The following CEP350 variants were observed in gnomAD, a reference collection of about 807,000 sequenced individuals.
CEP350 encodes centrosome-associated protein 350.
CEP350 carries 126 observed loss-of-function variants against 331.8 expected under a neutral mutation model. The observed-to-expected ratio is 0.38, with a 90% CI of 0.33 to 0.44. CEP350 has a LOEUF of 0.44. Ranked by LOEUF, CEP350 falls within the 20% of genes least tolerant of loss-of-function variation. The pLI is 1.00. For synonymous variants in CEP350, 1,200 were observed against 1,259.5 expected (o/e 0.95, Z 1.00); for missense variants, 3,406 against 3,634.6 (o/e 0.94, Z 1.62).
In CEP350 at chr1:180,028,326, C is replaced by G. The variant is rs1655805280; in HGVS notation, c.3551-2994C>G. 2.0e-5 allele frequency among the ~76,000 whole-genome samples: 3 copies of G among 152,286 alleles called. No individual in the cohort carries two copies. In the South Asian group the frequency reaches 6.2e-4, roughly 32 times the overall value. Reference sequence around the variant, plus strand: ...TATGGCATTAGAATTCAGCTGAACACAGTTTGGGAAATGCTGATCTTGCTC... The same window carrying G: ...TATGGCATTAGAATTCAGCTGAACAGAGTTTGGGAAATGCTGATCTTGCTC... On this transcript the variant is annotated intron_variant, in intron 14 of 37. Transcript: ENST00000367607.
chr1:180,039,283 G>GGGGA (rs1553258174), intron 17 of CEP350, among the ~76,000 whole-genome samples: 1 of 121,470 alleles, frequency 8.2e-6, no homozygotes, highest in South Asian at 3.0e-4. Flanking sequence ...AGGGAGGGAG[G>GGGGA]GAGGGAGGGG....
intron 27 of CEP350, among the ~76,000 whole-genome samples, chr1:180,071,112 C>T (rs1658855878): frequency 7.1e-6 from 1 of 140,848 alleles, no homozygotes; most frequent in Non-Finnish European, 1.5e-5. Flanking sequence ...CATGCCATTA[C>T]ACTCTAGCCT....
chr1:180,007,726 T>C (rs1654352059), intron 8 of CEP350, among the ~76,000 whole-genome samples: 1 of 152,192 alleles, frequency 6.6e-6, no homozygotes, highest in Non-Finnish European at 1.5e-5. Context: ...TCTAGGGTTT[T>C]TATGGTTTTA....
At chr1:180,029,252 G>T (rs1043800315) in intron 14 of CEP350, among the ~76,000 whole-genome samples, 1 of 152,084 alleles carries the variant, frequency 6.6e-6, no homozygotes, top group Non-Finnish European at 1.5e-5. Flanking sequence ...TGGAGTGTAG[G>T]CCTTTCTTGC....
chr1:180,033,943 C>T lies in CEP350; in HGVS notation c.3807C>T (p.Asp1269=), dbSNP rs1656184413. The change falls in exon 16 of 38, where the codon GAC becomes GAT. Residue 1269 remains aspartate (D), a synonymous_variant. Transcript: ENST00000367607. ...SPSSQKSLQF[D]VAGTSSERSK... The stretch of plus-strand genomic sequence containing the variant: ...GTTCCCAGAAATCATTGCAGTTTGA[C>T]GTTGCAGGAACTTCTTCAGAAAGAT... The T allele has an allele frequency of 6.2e-6, 10 of 1,613,722 alleles. No homozygotes were observed. The highest frequency in any genetic ancestry group is 1.7e-5 in the Admixed American group (1 of 59,992).
At position 180,017,108 on chromosome 1, in the gene CEP350, T is replaced by C. The variant is rs535715150; in HGVS notation, c.2174+1138T>C. Among the ~76,000 whole-genome samples, 8 of 152,332 alleles carry C rather than the reference T, an allele frequency of 5.3e-5. No homozygotes were observed. The East Asian group carries it at 1.5e-3, about 29-fold the overall frequency. On this transcript the variant is annotated intron_variant, in intron 11 of 37. Transcript: ENST00000367607. ...ACTTAATCCTTGTAATTCCTTGAGT[T>C]AGGTACTGTTGTTATTCCTGTTTTA...
intron 16 of CEP350, 80 bp downstream of exon 16, chr1:180,034,162 G>A (rs1250981626): frequency 4.2e-6 from 6 of 1,423,466 alleles, no homozygotes; most frequent in Admixed American, 2.4e-5. Flanking sequence ...CTTTGTTTGA[G>A]TTGAGTCATA....
chr1:179,984,048 T>C (rs1652474647), intron 1 of CEP350, among the ~76,000 whole-genome samples: 2 of 152,206 alleles, frequency 1.3e-5, no homozygotes, highest in Non-Finnish European at 2.9e-5. Flanking sequence ...CAATTTGACA[T>C]TGTATTTCAA....
intron 7 of CEP350, among the ~76,000 whole-genome samples, chr1:180,005,096 C>G (rs910590090): frequency 6.7e-6 from 1 of 149,006 alleles, no homozygotes; most frequent in African/African-American, 2.5e-5. Context: ...TACAGCTTAT[C>G]TATCTGCACA....
rs139879455 is a variant in CEP350, at chr1:180,020,569, T to C, written c.2795T>C (p.Ile932Thr). The change falls in exon 12 of 38, where the codon ATA (isoleucine) becomes ACA (threonine). Residue 932 changes from isoleucine (I) to threonine (T), a missense_variant. Ile to Thr is a moderately conservative substitution (Grantham distance 89, BLOSUM62 -1). Transcript: ENST00000367607. ...GAGATGATAAGACCACAGAGTGCCA[T>C]ATCAAGCTTTAGAGTGAGATCCCCT... Reference protein sequence around the residue: ...LPEMIRPQSAISSFRVRSPGP... With the variant: ...LPEMIRPQSATSSFRVRSPGP... The C allele has an allele frequency of 4.3e-6, 7 of 1,613,892 alleles. No homozygotes were observed. Among genetic ancestry groups the C allele is most frequent in the Non-Finnish European group, 5.9e-6 (7 of 1,179,904 alleles).
At chr1:180,090,821 A>G (rs761267570) in intron 33 of CEP350, 25 bp downstream of exon 33, 3 of 1,519,172 alleles carry the variant, frequency 2.0e-6, no homozygotes, top group African/African-American at 2.8e-5. Context: ...AAAATAATTA[A>G]CTTGTAGCTA....
chr1:180,110,963 G>A (rs1459074019), intron 37 of CEP350, 34 bp from the exon 38 acceptor site: 1 of 1,584,640 alleles, frequency 6.3e-7, no homozygotes. Flanking sequence ...TGTATGACAG[G>A]AATTTTCTAA....
intron 32 of CEP350, among the ~76,000 whole-genome samples, 164 bp from the exon 33 acceptor site, chr1:180,090,545 CAAAAA>C (rs36128628): frequency 3.9e-5 from 3 of 77,378 alleles, no homozygotes; most frequent in Non-Finnish European, 6.9e-5. Context: ...GACTCCGTCT[CAAAAA>C]AAAAAAAAAA....
At chr1:180,015,647 C>T (rs1654927127) in intron 10 of CEP350, among the ~76,000 whole-genome samples, 1 of 151,950 alleles carries the variant, frequency 6.6e-6, no homozygotes. Flanking sequence ...CCTGGCTCTC[C>T]GTTGGATTTT....
At chr1:180,098,259 G>A (rs1050689131) in intron 36 of CEP350, among the ~76,000 whole-genome samples, 5 of 152,080 alleles carry the variant, frequency 3.3e-5, no homozygotes, top group African/African-American at 7.2e-5. Context: ...GTGAGCCACC[G>A]CACCCAGCAT....
chr1:180,030,031 G>A (rs570654852), intron 14 of CEP350, among the ~76,000 whole-genome samples: 1 of 152,056 alleles, frequency 6.6e-6, no homozygotes, highest in Non-Finnish European at 1.5e-5. Flanking sequence ...TCCCGTGTAT[G>A]TATAAACCAC....
At chr1:180,084,905 G>T (rs1295925231) in intron 31 of CEP350, among the ~76,000 whole-genome samples, 1 of 151,844 alleles carries the variant, frequency 6.6e-6, no homozygotes, top group Non-Finnish European at 1.5e-5. Flanking sequence ...TAAAGTATTA[G>T]ATTTTTTTTT....
In CEP350 at chr1:180,114,579, AAC is replaced by A. The variant is rs1661590998; in HGVS notation, c.*3422_*3423del. ...TGGACTTTGCAAAGCCTTCTTGGCA[AAC>A]ACATTGCAAAGCATTCTCTGGGAGG... On this transcript the variant is annotated 3_prime_UTR_variant, in exon 38 of 38. Coordinates refer to ENST00000367607, the MANE Select transcript of CEP350 (RefSeq NM_014810.5). 6.6e-6 allele frequency: 1 copy of A among 152,640 alleles called. No individual in the cohort carries two copies. The highest frequency in any genetic ancestry group is 2.4e-5 in the African/African-American group (1 of 41,450). 9.5% of individuals were successfully genotyped at this position (152,640 alleles called of 1,614,324 possible).
At chr1:180,101,137 A>C (rs575219165) in intron 37 of CEP350, among the ~76,000 whole-genome samples, 89 of 152,340 alleles carry the variant, frequency 5.8e-4, no homozygotes, top group African/African-American at 2.0e-3. Flanking sequence ...AGTACTGTGC[A>C]TAAGAATTGA....
Sources: gnomAD v4.1 joint callset for allele counts (sites outside exome capture counted in the v4.1 genomes callset) on GRCh38, gnomAD v4.1.1 for gene constraint, MANE v1.5 for transcripts, NCBI Gene and HGNC (gene_info 2026-07-23, HGNC 2026-07-21) for gene names.